ACTR10: variants seen among roughly 807,000 people sequenced by gnomAD.
ACTR10 encodes actin-related protein 10.
ACTR10 carries 43 observed loss-of-function variants against 56.2 expected under a neutral mutation model. The observed-to-expected ratio is 0.77, with a 90% CI of 0.60 to 0.99. The LOEUF is 0.99. Among genes scored for constraint, ACTR10 ranks in the 50% least tolerant of loss-of-function variants. ACTR10 has a pLI of 0.00. For synonymous variants in ACTR10, 170 were observed against 176.3 expected, an observed-to-expected ratio of 0.96 and a Z score of 0.28; for missense variants, 466 against 507.8, an observed-to-expected ratio of 0.92 and a Z score of 0.79.
Position 58,200,202 on chromosome 14 carries a change from A to G in ACTR10, c.-16A>G, listed in dbSNP as rs779564612. On this transcript the variant is annotated 5_prime_UTR_variant, in exon 1 of 13. Transcript: ENST00000254286. ...GCGGAGACTGCGACCCTCTTCTCTC[A>G]GTCTGCCTTACTACCATGCCGCTCT... is the stretch of plus-strand genomic sequence containing the variant. 2.2e-5 allele frequency: 34 copies of G among 1,511,940 alleles called. No individual in the cohort carries two copies. The highest frequency in any genetic ancestry group is 2.8e-5 in the Non-Finnish European group (32 of 1,127,144). 93.7% of individuals were successfully genotyped at this position (1,511,940 alleles called of 1,614,324 possible). A position where few individuals can be genotyped will look rare whatever the true frequency, so the allele number is the denominator to read the frequency against.
In ACTR10 at chr14:58,232,321, G is replaced by T; in HGVS notation, c.1072+54G>T. The T allele has an allele frequency of 2.9e-6, 4 of 1,365,382 alleles. No homozygotes were observed. In the East Asian group the frequency reaches 7.5e-5, roughly 26 times the overall value. 84.6% of individuals were successfully genotyped at this position (1,365,382 alleles called of 1,614,324 possible). On this transcript the variant is annotated intron_variant, in intron 12 of 12. Transcript: ENST00000254286. ...ATTATATAGTATTTGGTCTCTGAAT[G>T]ACACTATTAATGGATATATTAGAAT...
In ACTR10 at chr14:58,230,457, T is replaced by G; in HGVS notation, c.847T>G (p.Leu283Val). The G allele has an allele frequency of 6.3e-7, 1 of 1,590,602 alleles. No homozygotes were observed. Among genetic ancestry groups the G allele is most frequent in the Non-Finnish European group, 8.6e-7 (1 of 1,169,156 alleles). Reference protein sequence around the residue: ...QDNEEQSVATLILDSLIQCPI... With the variant: ...QDNEEQSVATVILDSLIQCPI... The stretch of plus-strand genomic sequence containing the variant: ...TAATGAAGAGCAATCAGTTGCCACT[T>G]TAATATTGGATTCCCTTATACAGGT... The change falls in exon 11 of 13, where the codon TTA becomes GTA. Residue 283 changes from leucine (L) to valine (V), a missense_variant. Coordinates refer to ENST00000254286, the MANE Select transcript of ACTR10 (RefSeq NM_018477.3).
At chr14:58,210,210 G>A (rs980509344) in intron 4 of ACTR10, among the ~76,000 whole-genome samples, 2 of 152,130 alleles carry the variant, frequency 1.3e-5, no homozygotes, top group African/African-American at 4.8e-5. Flanking sequence ...ATGATGGACT[G>A]TCATATTTTG....
chr14:58,226,500 T>C (rs1011530541), intron 10 of ACTR10, among the ~76,000 whole-genome samples: 2 of 151,742 alleles, frequency 1.3e-5, no homozygotes, highest in East Asian at 3.9e-4. Context: ...AAAATGCTAA[T>C]GTGAATAAAG....
chr14:58,201,237 C>A (rs1594801148), intron 1 of ACTR10, among the ~76,000 whole-genome samples: 1 of 152,132 alleles, frequency 6.6e-6, no homozygotes, highest in East Asian at 1.9e-4. Flanking sequence ...TAAACATAGT[C>A]CTTGGTTAAT....
chr14:58,234,724 G>A lies in ACTR10; in HGVS notation c.*173G>A, dbSNP rs1285136835. The A allele has an allele frequency of 2.1e-6, 1 of 479,084 alleles. No homozygotes were observed. The highest frequency in any genetic ancestry group is 2.0e-5 in the African/African-American group (1 of 50,242). 29.7% of individuals were successfully genotyped at this position (479,084 alleles called of 1,614,324 possible). On this transcript the variant is annotated 3_prime_UTR_variant, in exon 13 of 13. Coordinates refer to ENST00000254286, the MANE Select transcript of ACTR10 (RefSeq NM_018477.3). ...CTTTTGACTTTGTTTCTCTTGTGTA[G>A]TGGTAAAATGGTAGCTGGTGCTTAT...
chr14:58,221,902 A>T (rs373628184), intron 8 of ACTR10, among the ~76,000 whole-genome samples: 43 of 152,268 alleles, frequency 2.8e-4, no homozygotes, highest in African/African-American at 9.1e-4. Context: ...TGGGCAAGTC[A>T]GTCTCGACTC....
intron 2 of ACTR10, among the ~76,000 whole-genome samples, chr14:58,206,257 C>T (rs545397823): frequency 6.6e-6 from 1 of 151,820 alleles, no homozygotes; most frequent in Non-Finnish European, 1.5e-5. Context: ...CTCACTGCCA[C>T]CTCCTCCTCT....
intron 2 of ACTR10, among the ~76,000 whole-genome samples, chr14:58,206,507 A>G (rs1040608081): frequency 3.9e-5 from 6 of 152,182 alleles, no homozygotes; most frequent in African/African-American, 1.4e-4. Flanking sequence ...ATTTGAAAAG[A>G]CAGATACCTA....
chr14:58,219,997 T>G (rs1314058141), intron 8 of ACTR10, among the ~76,000 whole-genome samples: 1 of 152,160 alleles, frequency 6.6e-6, no homozygotes, highest in Non-Finnish European at 1.5e-5. Context: ...TATTTTGCAG[T>G]GTGAAAGAAC....
At chr14:58,224,902 T>G (rs1889362354) in intron 10 of ACTR10, among the ~76,000 whole-genome samples, 1 of 151,882 alleles carries the variant, frequency 6.6e-6, no homozygotes, top group African/African-American at 2.4e-5. Context: ...GGCAGGAGAA[T>G]TGCTTGAACT....
Position 58,200,308 on chromosome 14 carries a change from A to G in ACTR10, c.77+14A>G. On this transcript the variant is annotated intron_variant, in intron 1 of 12. Coordinates refer to ENST00000254286, the MANE Select transcript of ACTR10 (RefSeq NM_018477.3). ...GGCCTTTACCAAGTGAGTGGCCGTG[A>G]CGCCAGCTGTGTTCGACCCGAGGGG... The G allele has an allele frequency of 1.3e-6, 2 of 1,493,580 alleles. No individual in the cohort carries two copies. The highest frequency in any genetic ancestry group is 1.8e-6 in the Non-Finnish European group (2 of 1,124,212). The allele number at this position is 1,493,580 out of a possible 1,614,324, so 92.5% of individuals were successfully genotyped here.
At chr14:58,218,874 G>A (rs1390916506) in intron 7 of ACTR10, among the ~76,000 whole-genome samples, 4 of 152,174 alleles carry the variant, frequency 2.6e-5, no homozygotes, top group African/African-American at 7.2e-5. Flanking sequence ...TGCCCAGGCT[G>A]GAGTGCAATG....
chr14:58,215,902 C>T (rs1297684500), intron 7 of ACTR10, among the ~76,000 whole-genome samples: 3 of 151,824 alleles, frequency 2.0e-5, no homozygotes, highest in Non-Finnish European at 2.9e-5. Flanking sequence ...CCTTGTCTCC[C>T]GTTTTACAAA....
chr14:58,202,418 A>G (rs1464523011), intron 1 of ACTR10, among the ~76,000 whole-genome samples: 2 of 111,858 alleles, frequency 1.8e-5, no homozygotes, highest in Non-Finnish European at 3.6e-5. Context: ...CGTCTCTACT[A>G]AAAAAAAAAA....
At chr14:58,213,480 TACTC>T in intron 5 of ACTR10, 147 bp from the exon 6 acceptor site, 2 of 477,736 alleles carry the variant, frequency 4.2e-6, no homozygotes, top group Non-Finnish European at 7.3e-6. Flanking sequence ...AAAAAAAACT[TACTC>T]TTTGATTTTT....
At chr14:58,215,384 T>C (rs956603950) in intron 7 of ACTR10, 100 bp downstream of exon 7, 13 of 687,250 alleles carry the variant, frequency 1.9e-5, no homozygotes, top group South Asian at 2.0e-5. Flanking sequence ...TTCTCTTTTC[T>C]CCCCATGCCA....
In ACTR10 at chr14:58,209,103, T is replaced by C. The variant is rs1202821846; in HGVS notation, c.338T>C (p.Phe113Ser). Reference protein sequence around the residue: ...ETLTRVLFKYFEVPSVLLAPS... With the variant: ...ETLTRVLFKYSEVPSVLLAPS... ...CTCACTCGTGTTCTTTTCAAATATT[T>C]TGAGGTACCTGTCTTTATATCAAAT... The change falls in exon 4 of 13, where the codon TTT (phenylalanine) becomes TCT (serine). Residue 113 changes from phenylalanine to serine, a missense_variant. Phe to Ser is a radical substitution (Grantham distance 155). Coordinates refer to ENST00000254286, the MANE Select transcript of ACTR10 (RefSeq NM_018477.3). 1 of 1,572,406 alleles carries C rather than the reference T, an allele frequency of 6.4e-7. No individual in the cohort carries two copies.
intron 11 of ACTR10, among the ~76,000 whole-genome samples, chr14:58,231,304 G>C (rs572467079): frequency 6.6e-6 from 1 of 152,016 alleles, no homozygotes. Context: ...CACCTGTCTC[G>C]GCCTCCCAAA....
Sources: gnomAD v4.1 joint callset for allele counts (sites outside exome capture counted in the v4.1 genomes callset) on GRCh38, gnomAD v4.1.1 for gene constraint, MANE v1.5 for transcripts, NCBI Gene and HGNC (gene_info 2026-07-23, HGNC 2026-07-21) for gene names.